The following FOXH1 variants were observed in gnomAD, a reference collection of about 807,000 sequenced individuals.
The protein encoded by FOXH1 is forkhead box protein H1.
In FOXH1, 10 loss-of-function variants were observed where a neutral mutation model predicts 14.2. That is an observed-to-expected ratio of 0.70 (90% CI 0.43 to 1.19). The LOEUF (loss-of-function observed/expected upper bound fraction) is 1.19. Ranked by LOEUF, FOXH1 falls within the 50% of genes most tolerant of loss-of-function variation. The pLI, the probability that FOXH1 is intolerant of heterozygous loss-of-function variation, is 0.00. For synonymous variants in FOXH1, 273 were observed against 209.5 expected (o/e 1.30, Z -2.62); for missense variants, 643 against 492.1 (o/e 1.31, Z -2.90).
rs1825072279 is a variant in FOXH1 at position 144,474,379 on chromosome 8, C to T, written c.957G>A (p.Gly319=). The T allele has an allele frequency of 6.2e-7, 1 of 1,613,088 alleles. No homozygotes were observed. The highest frequency in any genetic ancestry group is 8.5e-7 in the Non-Finnish European group (1 of 1,180,022). Residue 319 remains glycine, a synonymous_variant, in exon 3 of 3, where the codon GGG becomes GGA. Transcript: ENST00000377317. The part of the protein sequence containing the change: ...AYWGVAPETR[G]PPGLLCDLDA... ...CTAGATCGCAGAGCAGCCCTGGGGG[C>T]CCTCGGGTTTCAGGGGCCACCCCCC...
At position 144,474,843 on chromosome 8, in the gene FOXH1, C is replaced by G. The variant is rs1564752095; in HGVS notation, c.493G>C (p.Glu165Gln). The change falls in exon 3 of 3, where the codon GAG (glutamate) becomes CAG (glutamine). Residue 165 changes from glutamate to glutamine, a missense_variant. By Grantham distance (29) the Glu-to-Gln change is conservative (BLOSUM62 2). Coordinates refer to ENST00000377317, the MANE Select transcript of FOXH1 (RefSeq NM_003923.3). ...AGCAGGGACTTGATGCTGAAGCCCT[C>G]ACTGGGTGGTGGCGGGGGACTGGGC... ...RPPSPPPPPS[E>Q]GFSIKSLLGG... The G allele has an allele frequency of 1.9e-6, 3 of 1,611,924 alleles. No individual in the cohort carries two copies. The East Asian group carries it at 6.7e-5, about 36-fold the overall frequency.
Position 144,474,338 on chromosome 8 carries a change from C to A in FOXH1, c.998G>T (p.Gly333Val). The A allele has an allele frequency of 6.2e-7, 1 of 1,612,952 alleles. No homozygotes were observed. The highest frequency in any genetic ancestry group is 1.7e-5 in the Admixed American group (1 of 60,020). The change falls in exon 3 of 3, where the codon GGG (glycine) becomes GTG (valine). Residue 333 changes from glycine to valine, a missense_variant. Physicochemically the swap from Gly to Val is moderately radical, Grantham distance 109. Transcript: ENST00000377317. ...GTAGATGCTTTTGTTGGGTGGCACC[C>A]CTTGGAAGAGGGCGTCTAGATCGCA... Reference protein sequence around the residue: ...LLCDLDALFQGVPPNKSIYDV... With the variant: ...LLCDLDALFQVVPPNKSIYDV...
In FOXH1 at chr8:144,475,324, C is replaced by T. The variant is rs539969191; in HGVS notation, c.175-63G>A. 5.9e-6 allele frequency: 8 copies of T among 1,358,212 alleles called. No individual in the cohort carries two copies. The East Asian group carries it at 1.2e-4, about 20-fold the overall frequency. The allele number at this position is 1,358,212 out of a possible 1,614,324, so 84.1% of individuals were successfully genotyped here. ...AGACGGGGAGGGGGTAGCGCCCTACCCCTCCCCCACTACCGGGCTCAGGGG... is the reference window on the plus strand; with the variant it reads ...AGACGGGGAGGGGGTAGCGCCCTACTCCTCCCCCACTACCGGGCTCAGGGG... On this transcript the variant is annotated intron_variant, in intron 1 of 2. Transcript: ENST00000377317.
Position 144,475,139 on chromosome 8 carries a change from G to A in FOXH1, c.279+18C>T, listed in dbSNP as rs1334683563. Reference sequence around the variant, plus strand: ...CGCGCGCGCTCCGCCCCCGGGCTCCGACCCTGGCCTGCCCCACCTTGCGGA... The same window carrying A: ...CGCGCGCGCTCCGCCCCCGGGCTCCAACCCTGGCCTGCCCCACCTTGCGGA... On this transcript the variant is annotated intron_variant, in intron 2 of 2. Transcript: ENST00000377317. 2.5e-6 allele frequency: 4 copies of A among 1,611,542 alleles called. No individual in the cohort carries two copies. Among genetic ancestry groups the A allele is most frequent in the Admixed American group, 3.3e-5 (2 of 59,878 alleles).
Position 144,474,839 on chromosome 8 carries a change from C to A in FOXH1, c.497G>T (p.Gly166Val), listed in dbSNP as rs556951674. Residue 166 changes from glycine to valine, a missense_variant, in exon 3 of 3, where the codon GGC becomes GTC. Transcript: ENST00000377317. Reference protein sequence around the residue: ...PPSPPPPPSEGFSIKSLLGGS... With the variant: ...PPSPPPPPSEVFSIKSLLGGS... ...TCCTAGCAGGGACTTGATGCTGAAG[C>A]CCTCACTGGGTGGTGGCGGGGGACT... The A allele has an allele frequency of 6.2e-7, 1 of 1,611,920 alleles. No individual in the cohort carries two copies. Among genetic ancestry groups the A allele is most frequent in the Non-Finnish European group, 8.5e-7 (1 of 1,179,704 alleles).
At position 144,473,743 on chromosome 8, in the gene FOXH1, C is replaced by G. The variant is rs1586726637; in HGVS notation, c.*495G>C. 2.3e-6 allele frequency: 1 copy of G among 438,322 alleles called. No individual in the cohort carries two copies. Among genetic ancestry groups the G allele is most frequent in the African/African-American group, 2.0e-5 (1 of 48,904 alleles). 27.2% of individuals were successfully genotyped at this position (438,322 alleles called of 1,614,324 possible). A position where few individuals can be genotyped will look rare whatever the true frequency, so the allele number is the denominator to read the frequency against. ...AATCAGGCATGGCATTAAAACGTTG[C>G]AAATTCCTTTACTGTTATCCCCCCC... On this transcript the variant is annotated 3_prime_UTR_variant, in exon 3 of 3. Transcript: ENST00000377317.
At position 144,473,855 on chromosome 8, in the gene FOXH1, G is replaced by A. The variant is rs1014651228; in HGVS notation, c.*383C>T. 13 of 385,944 alleles carry A rather than the reference G, an allele frequency of 3.4e-5. No homozygotes were observed. The highest frequency in any genetic ancestry group is 2.1e-4 in the Admixed American group (5 of 23,550). 23.9% of individuals were successfully genotyped at this position (385,944 alleles called of 1,614,324 possible). A position where few individuals can be genotyped will look rare whatever the true frequency, so the allele number is the denominator to read the frequency against. ...ACCTCCTTTCCAGACAGATGAGAGA[G>A]GGCAGGACTTCAGGCTGGATCCACC... On this transcript the variant is annotated 3_prime_UTR_variant, in exon 3 of 3. Coordinates refer to ENST00000377317, the MANE Select transcript of FOXH1 (RefSeq NM_003923.3).
Position 144,475,273 on chromosome 8 carries a change from A to G in FOXH1, c.175-12T>C, listed in dbSNP as rs745713125. 6.2e-7 allele frequency: 1 copy of G among 1,607,720 alleles called. No homozygotes were observed. Among genetic ancestry groups the G allele is most frequent in the African/African-American group, 1.3e-5 (1 of 74,830 alleles). Reference sequence around the variant, plus strand: ...ACCTGACGGATGATCTGAAACCGCCAGGCGGCCGGCCGGCGCCGTGAGCCC... The same window carrying G: ...ACCTGACGGATGATCTGAAACCGCCGGGCGGCCGGCCGGCGCCGTGAGCCC... On this transcript the variant is annotated splice_polypyrimidine_tract_variant and intron_variant, in intron 1 of 2. Transcript: ENST00000377317.
chr8:144,474,783 G>C lies in FOXH1; in HGVS notation c.553C>G (p.Leu185Val). ...GGAACTGGGCTGCTCTGTGGAGCTA[G>C]CCCCGGCCAGGGTGCCCCCTCCCCG... ...GSGEGAPWPG[L>V]APQSSPVPAG... is the part of the protein sequence containing the mutation. The change falls in exon 3 of 3, where the codon CTA becomes GTA. Residue 185 changes from leucine to valine, a missense_variant. By Grantham distance (32) the Leu-to-Val change is conservative. Coordinates refer to ENST00000377317, the MANE Select transcript of FOXH1 (RefSeq NM_003923.3). The C allele has an allele frequency of 6.2e-7, 1 of 1,601,456 alleles. No homozygotes were observed. Among genetic ancestry groups the C allele is most frequent in the South Asian group, 1.1e-5 (1 of 89,832 alleles).
intron 1 of FOXH1, 74 bp from the exon 2 acceptor site, chr8:144,475,335 T>G: frequency 1.6e-6 from 2 of 1,289,580 alleles, no homozygotes; most frequent in Non-Finnish European, 2.2e-6. Flanking sequence ...CCTCCCCCAC[T>G]ACCGGGCTCA....
In FOXH1 at chr8:144,475,281, G is replaced by A; in HGVS notation, c.175-20C>T. The A allele has an allele frequency of 1.2e-6, 2 of 1,601,240 alleles. No individual in the cohort carries two copies. Among genetic ancestry groups the A allele is most frequent in the Non-Finnish European group, 1.7e-6 (2 of 1,171,544 alleles). ...GATGATCTGAAACCGCCAGGCGGCC[G>A]GCCGGCGCCGTGAGCCCAGACGGGG... On this transcript the variant is annotated intron_variant, in intron 1 of 2. Transcript: ENST00000377317.
At position 144,474,634 on chromosome 8, in the gene FOXH1, C is replaced by G. The variant is rs756777710; in HGVS notation, c.702G>C (p.Gln234His). 2 of 1,577,866 alleles carry G rather than the reference C, an allele frequency of 1.3e-6. No individual in the cohort carries two copies. The highest frequency in any genetic ancestry group is 2.3e-5 in the East Asian group (1 of 43,880). ...GGGTTGAGGGCCCGATGGCTCCCCC[C>G]TGCACAGTCTCCCCCTCCACTCTCG... ...GPTRVEGETV[Q>H]GGAIGPSTLS... Residue 234 changes from glutamine (Q) to histidine (H), a missense_variant, in exon 3 of 3, where the codon CAG (glutamine) becomes CAC (histidine). Gln to His is a conservative substitution (Grantham distance 24, BLOSUM62 0). Coordinates refer to ENST00000377317, the MANE Select transcript of FOXH1 (RefSeq NM_003923.3).
chr8:144,474,348 G>T lies in FOXH1; in HGVS notation c.988C>A (p.Leu330Ile), dbSNP rs1208680568. 1 of 1,613,072 alleles carries T rather than the reference G, an allele frequency of 6.2e-7. No individual in the cohort carries two copies. The highest frequency in any genetic ancestry group is 2.2e-5 in the East Asian group (1 of 44,886). ...TTGTTGGGTGGCACCCCTTGGAAGA[G>T]GGCGTCTAGATCGCAGAGCAGCCCT... ...PPGLLCDLDALFQGVPPNKSI... is the reference protein window; with the variant it reads ...PPGLLCDLDAIFQGVPPNKSI... The change falls in exon 3 of 3, where the codon CTC (leucine) becomes ATC (isoleucine). Residue 330 changes from leucine (L) to isoleucine (I), a missense_variant. Leu to Ile is a conservative substitution (Grantham distance 5). Coordinates refer to ENST00000377317, the MANE Select transcript of FOXH1 (RefSeq NM_003923.3).
rs752298180 is a variant in FOXH1 at position 144,473,464 on chromosome 8, C to G, written c.*774G>C. On this transcript the variant is annotated 3_prime_UTR_variant, in exon 3 of 3. Transcript: ENST00000377317. ...CAGAGGCGGTAGTAAAGTCCCTGTA[C>G]CCCGTCTCCCAGGGCACAAGCTCCC... 6.8e-7 allele frequency: 1 copy of G among 1,472,006 alleles called. No individual in the cohort carries two copies. Among genetic ancestry groups the G allele is most frequent in the East Asian group, 2.5e-5 (1 of 39,968 alleles). The allele number at this position is 1,472,006 out of a possible 1,614,324, so 91.2% of individuals were successfully genotyped here.
Position 144,475,801 on chromosome 8 carries a change from G to C in FOXH1, c.-45C>G. On this transcript the variant is annotated 5_prime_UTR_variant, in exon 1 of 3. Transcript: ENST00000377317. ...GGGCAGGGGCCTGGCCGGGTGGAGG[G>C]TGCAGGGCGGTGGGGCAGTGTAGAA... 7.7e-7 allele frequency: 1 copy of C among 1,304,786 alleles called. No homozygotes were observed. The allele number at this position is 1,304,786 out of a possible 1,614,324, so 80.8% of individuals were successfully genotyped here. A position where few individuals can be genotyped will look rare whatever the true frequency, so the allele number is the denominator to read the frequency against.
At position 144,474,688 on chromosome 8, in the gene FOXH1, C is replaced by T. The variant is rs1406375581; in HGVS notation, c.648G>A (p.Leu216=). 2.6e-6 allele frequency: 4 copies of T among 1,538,296 alleles called. No homozygotes were observed. Among genetic ancestry groups the T allele is most frequent in the Non-Finnish European group, 2.6e-6 (3 of 1,141,026 alleles). Residue 216 remains leucine, a synonymous_variant, in exon 3 of 3, where the codon CTG becomes CTA. Coordinates refer to ENST00000377317, the MANE Select transcript of FOXH1 (RefSeq NM_003923.3). ...TPPLPSSERP[L]WPLCPLPGPT... ...GGCCAGGAAGGGGGCAGAGGGGCCA[C>T]AGAGGCCTCTCAGAAGAGGGAAGGG...
chr8:144,475,116 C>G, intron 2 of FOXH1, 41 bp downstream of exon 2: 1 of 1,606,720 alleles, frequency 6.2e-7, no homozygotes, highest in Non-Finnish European at 8.5e-7. Context: ...AGGACTTCCG[C>G]GCGCGCTCCG....
In FOXH1 at chr8:144,475,683, T is replaced by C. The variant is rs779809876; in HGVS notation, c.74A>G (p.Lys25Arg). The C allele has an allele frequency of 1.6e-5, 23 of 1,425,252 alleles. No homozygotes were observed. Among genetic ancestry groups the C allele is most frequent in the Non-Finnish European group, 2.0e-5 (22 of 1,087,876 alleles). The allele number at this position is 1,425,252 out of a possible 1,614,324, so 88.3% of individuals were successfully genotyped here. The change falls in exon 1 of 3, where the codon AAG becomes AGG. Residue 25 changes from lysine to arginine, a missense_variant. Transcript: ENST00000377317. Reference sequence around the variant, plus strand: ...CTTGTCATGTCGCAGGTACCTCTTCTTCCTCCTCTTAGGGGGCTGGGAGGG... The same window carrying C: ...CTTGTCATGTCGCAGGTACCTCTTCCTCCTCCTCTTAGGGGGCTGGGAGGG... ...ESPSQPPKRR[K>R]KRYLRHDKPP...
rs1825101782 is a variant in FOXH1, at chr8:144,475,046, T to A, written c.290A>T (p.Asp97Val). 1 of 1,601,750 alleles carries A rather than the reference T, an allele frequency of 6.2e-7. No individual in the cohort carries two copies. Among genetic ancestry groups the A allele is most frequent in the African/African-American group, 1.3e-5 (1 of 74,614 alleles). The change falls in exon 3 of 3, where the codon GAC becomes GTC. Residue 97 changes from aspartate to valine, a missense_variant. Asp to Val is a radical substitution (Grantham distance 152). Transcript: ENST00000377317. ...GCCCTTGGCCTGGGGCTTTGCAGGGTCCTTGGGCACCTGGGTGTGGGGGTC... is the reference window on the plus strand; with the variant it reads ...GCCCTTGGCCTGGGGCTTTGCAGGGACCTTGGGCACCTGGGTGTGGGGGTC... The part of the protein sequence containing the change: ...SNRCFRKVPK[D>V]PAKPQAKGNF...
Sources: gnomAD v4.1 joint callset for allele counts on GRCh38, gnomAD v4.1.1 for gene constraint, MANE v1.5 for transcripts, NCBI Gene and HGNC (gene_info 2026-07-23, HGNC 2026-07-21) for gene names.